ANK2: variants seen among roughly 807,000 people sequenced by gnomAD.
The protein encoded by ANK2 is ankyrin 2.
A neutral mutation model predicts 360.5 loss-of-function variants in ANK2; 83 were observed. The ratio of observed to expected loss-of-function variants is 0.23; its 90% confidence interval spans 0.19 to 0.28. ANK2 has a LOEUF of 0.28. Ranked by LOEUF, ANK2 falls within the 10% of genes least tolerant of loss-of-function variation. The pLI is 1.00. For missense variants in ANK2, 4,201 were observed against 4,795.7 expected (o/e 0.88, Z 3.66); for synonymous variants, 1,740 against 1,759.5 (o/e 0.99, Z 0.28).
At chr4:113,021,335 T>C (rs2058018815) in intron 2 of ANK2, among the ~76,000 whole-genome samples, 1 of 151,894 alleles carries the variant, frequency 6.6e-6, no homozygotes, top group Non-Finnish European at 1.5e-5. Context: ...AACAGCTTCA[T>C]GGGTCTCTAA....
rs1454428739 is a variant in ANK2 at position 113,292,459 on chromosome 4, C to T, written c.2321C>T (p.Thr774Met). 5.0e-6 allele frequency: 8 copies of T among 1,611,714 alleles called. No individual in the cohort carries two copies. Among genetic ancestry groups the T allele is most frequent in the South Asian group, 2.2e-5 (2 of 90,468 alleles). Residue 774 changes from threonine to methionine, a missense_variant, in exon 21 of 46, where the codon ACG becomes ATG. Around this residue, in one of 4 missense-constraint regions of ANK2, gnomAD observed 1,268 missense variants for 1,650.8 expected, o/e 0.77. Coordinates refer to ENST00000357077, the MANE Select transcript of ANK2 (RefSeq NM_001148.6). ...PLHQAAQQGH[T>M]HIINVLLQHG... ...CACCAGGCCGCTCAGCAGGGTCACA[C>T]GCACATCATCAACGTCCTGCTCCAG... is the stretch of plus-strand genomic sequence containing the variant.
the ANK2 span, among the ~76,000 whole-genome samples, chr4:112,804,079 C>T: frequency 5.2e-4 from 78 of 150,556 alleles, no homozygotes; most frequent in African/African-American, 1.2e-3. Flanking sequence ...AGGGCAGTGG[C>T]GCGATCTCGG....
rs2095849688 is a variant in ANK2, at chr4:113,357,258, T to A, written c.8640T>A (p.Asp2880Glu). The change falls in exon 38 of 46, where the codon GAT becomes GAA. Residue 2880 changes from aspartate to glutamate, a missense_variant. Transcript: ENST00000357077. The part of the protein sequence containing the change: ...SIQKTEVTKT[D>E]ETFENLPKDC... Reference sequence around the variant, plus strand: ...AAAAAACAGAGGTCACAAAAACTGATGAAACATTTGAGAACTTACCAAAGG... The same window carrying A: ...AAAAAACAGAGGTCACAAAAACTGAAGAAACATTTGAGAACTTACCAAAGG... 2 of 1,614,070 alleles carry A rather than the reference T, an allele frequency of 1.2e-6. No individual in the cohort carries two copies. Among genetic ancestry groups the A allele is most frequent in the Non-Finnish European group, 8.5e-7 (1 of 1,179,984 alleles).
intron 1 of ANK2, among the ~76,000 whole-genome samples, chr4:113,167,402 C>T (rs538298576): frequency 2.0e-5 from 3 of 151,482 alleles, no homozygotes; most frequent in Admixed American, 6.6e-5. Context: ...CGGATCCGAG[C>T]GATTCCCCTG....
chr4:113,136,114 G>T (rs537219771), intron 1 of ANK2, among the ~76,000 whole-genome samples: 2 of 152,234 alleles, frequency 1.3e-5, no homozygotes, highest in East Asian at 3.9e-4. Flanking sequence ...TGCTCATTTA[G>T]TCAGTAATCA....
chr4:113,359,029 T>C lies in ANK2; in HGVS notation c.10411T>C (p.Tyr3471His), dbSNP rs1486632631. ...AAGTAAGGAGCATTTCTTTGACCTTTACAGAAATTCCATAGAATTCTTTGA... is the reference window on the plus strand; with the variant it reads ...AAGTAAGGAGCATTTCTTTGACCTTCACAGAAATTCCATAGAATTCTTTGA... Reference protein sequence around the residue: ...KESKEHFFDLYRNSIEFFEEI... With the variant: ...KESKEHFFDLHRNSIEFFEEI... Residue 3471 changes from tyrosine to histidine, a missense_variant, in exon 38 of 46, where the codon TAC becomes CAC. Physicochemically the swap from Tyr to His is moderately conservative, Grantham distance 83. Transcript: ENST00000357077. 2 of 1,613,978 alleles carry C rather than the reference T, an allele frequency of 1.2e-6. No individual in the cohort carries two copies. The highest frequency in any genetic ancestry group is 1.7e-5 in the Admixed American group (1 of 59,986).
At chr4:112,876,236 G>A (rs757330644) in intron 1 of ANK2, among the ~76,000 whole-genome samples, 3 of 152,128 alleles carry the variant, frequency 2.0e-5, no homozygotes, top group Non-Finnish European at 4.4e-5. Flanking sequence ...TCACTGCAGC[G>A]ATAATCACAG....
At chr4:112,906,312 C>A (rs1451872036) in intron 2 of ANK2, among the ~76,000 whole-genome samples, 1 of 152,042 alleles carries the variant, frequency 6.6e-6, no homozygotes, top group Non-Finnish European at 1.5e-5. Context: ...AGTAGAGAAG[C>A]AGGGGTAGAA....
intron 1 of ANK2, among the ~76,000 whole-genome samples, chr4:113,055,626 G>A (rs1247134220): frequency 1.3e-5 from 2 of 152,126 alleles, no homozygotes; most frequent in African/African-American, 4.8e-5. Flanking sequence ...TTACTCTTAT[G>A]TCTGGAATCT....
intron 2 of ANK2, among the ~76,000 whole-genome samples, chr4:113,039,498 T>G (rs2062417528): frequency 6.6e-6 from 1 of 151,946 alleles, no homozygotes; most frequent in Non-Finnish European, 1.5e-5. Context: ...CTGAAACATC[T>G]GAAACATTTC....
At chr4:112,909,589 T>C (rs1293281296) in intron 2 of ANK2, among the ~76,000 whole-genome samples, 1 of 152,214 alleles carries the variant, frequency 6.6e-6, no homozygotes, top group Non-Finnish European at 1.5e-5. Flanking sequence ...TAATCTACAT[T>C]AAAACTCTTT....
intron 39 of ANK2, among the ~76,000 whole-genome samples, chr4:113,361,240 G>A (rs34888209): frequency 0.076 from 11,499 of 152,164 alleles, 618 homozygotes; most frequent in Middle Eastern, 0.17. Context: ...CAAATTTAAT[G>A]TGAGATTTAA....
chr4:113,312,205 A>C (rs2080380514), intron 24 of ANK2, among the ~76,000 whole-genome samples: 1 of 151,052 alleles, frequency 6.6e-6, no homozygotes, highest in Non-Finnish European at 1.5e-5. Flanking sequence ...TGGGAGGCTG[A>C]GTTGGAGGAT....
intron 1 of ANK2, among the ~76,000 whole-genome samples, chr4:112,894,978 C>T (rs953397687): frequency 3.9e-5 from 6 of 152,158 alleles, no homozygotes; most frequent in African/African-American, 1.4e-4. Context: ...AAATGCCTGA[C>T]AGGGTTAATG....
chr4:112,969,974 A>G (rs1276918199), intron 2 of ANK2, among the ~76,000 whole-genome samples: 2 of 152,050 alleles, frequency 1.3e-5, no homozygotes, highest in Admixed American at 6.6e-5. Context: ...TAATCTAGAG[A>G]CATATAATTT....
chr4:112,731,312 A>T, the ANK2 span, among the ~76,000 whole-genome samples: 3 of 151,852 alleles, frequency 2.0e-5, no homozygotes, highest in Non-Finnish European at 4.4e-5. Context: ...AAAAAAAAAA[A>T]AGATAAATAT....
chr4:112,791,704 G>A, the ANK2 span, among the ~76,000 whole-genome samples: 1 of 151,724 alleles, frequency 6.6e-6, no homozygotes, highest in African/African-American at 2.4e-5. Flanking sequence ...TGTTAGCCAG[G>A]GTGGTCTCCA....
In ANK2 at chr4:113,341,854, G is replaced by A; in HGVS notation, c.4060G>A (p.Val1354Met). The A allele has an allele frequency of 6.2e-7, 1 of 1,614,080 alleles. No homozygotes were observed. The highest frequency in any genetic ancestry group is 8.5e-7 in the Non-Finnish European group (1 of 1,180,020). The change falls in exon 33 of 46, where the codon GTG (valine) becomes ATG (methionine). Residue 1354 changes from valine (V) to methionine (M), a missense_variant. Physicochemically the swap from Val to Met is conservative, Grantham distance 21. Around this residue, in one of 4 missense-constraint regions of ANK2, gnomAD observed 1,268 missense variants for 1,650.8 expected, o/e 0.77. Transcript: ENST00000357077. The stretch of plus-strand genomic sequence containing the variant: ...GTGTTTCTGCATGACTGATGATAAA[G>A]TGGATAAGACCCTTGAACAACAAGA... ...LRCFCMTDDK[V>M]DKTLEQQENF...
At chr4:112,876,280 G>A (rs1022134033) in intron 1 of ANK2, among the ~76,000 whole-genome samples, 8 of 152,130 alleles carry the variant, frequency 5.3e-5, no homozygotes, top group Non-Finnish European at 1.2e-4. Context: ...TCCTGCTTGG[G>A]ATTTCTACGT....
Sources: gnomAD v4.1 joint callset for allele counts (sites outside exome capture counted in the v4.1 genomes callset) on GRCh38, gnomAD v4.1.1 for gene constraint, gnomAD v4.1.1 regional missense constraint, MANE v1.5 for transcripts, NCBI Gene and HGNC (gene_info 2026-07-23, HGNC 2026-07-21) for gene names.